The following LEFTY2 variants were observed in gnomAD, a reference collection of about 807,000 sequenced individuals.
The protein encoded by LEFTY2 is TGF-beta-4.
Under a neutral mutation model 26.4 loss-of-function variants are expected in LEFTY2, and 10 were observed. That is an observed-to-expected ratio of 0.38 (90% CI 0.23 to 0.64). The LOEUF (loss-of-function observed/expected upper bound fraction) is 0.64. Ranked by LOEUF, LEFTY2 falls within the 30% of genes least tolerant of loss-of-function variation. The pLI is 0.56. For synonymous variants in LEFTY2, 204 were observed against 234.1 expected (o/e 0.87, Z 1.17); for missense variants, 407 against 502.1 (o/e 0.81, Z 1.81).
At chr1:225,940,728 T>C (rs1672298000) in intron 1 of LEFTY2, among the ~76,000 whole-genome samples, 163 bp downstream of exon 1, 1 of 152,160 alleles carries the variant, frequency 6.6e-6, no homozygotes, top group South Asian at 2.1e-4. Flanking sequence ...CTGGAGACCC[T>C]GGACCCAGGC....
rs751004252 is a variant in LEFTY2 at position 225,939,996 on chromosome 1, G to A, written c.257C>T (p.Ala86Val). 1.9e-6 allele frequency: 3 copies of A among 1,595,820 alleles called. No homozygotes were observed. The South Asian group carries it at 3.3e-5, about 18-fold the overall frequency. Residue 86 changes from alanine (A) to valine (V), a missense_variant, in exon 2 of 4, where the codon GCC becomes GTC. Coordinates refer to ENST00000366820, the MANE Select transcript of LEFTY2 (RefSeq NM_003240.5). The surrounding 1 kb of genome is among the most constrained non-coding windows in gnomAD (Gnocchi z 4.1). ...KRFSQSFREV[A>V]GRFLASEAST... is the part of the protein sequence containing the mutation. Reference sequence around the variant, plus strand: ...GGCCTCCGACGCCAGGAACCTGCCGGCCACCTCTGGGGACAAGAGCAGGGT... The same window carrying A: ...GGCCTCCGACGCCAGGAACCTGCCGACCACCTCTGGGGACAAGAGCAGGGT...
At position 225,940,001 on chromosome 1, in the gene LEFTY2, C is replaced by A; in HGVS notation, c.252G>T (p.Glu84Asp). 1 of 1,595,862 alleles carries A rather than the reference C, an allele frequency of 6.3e-7. No individual in the cohort carries two copies. The highest frequency in any genetic ancestry group is 1.3e-5 in the African/African-American group (1 of 74,998). The change falls in exon 2 of 4, where the codon GAG (glutamate) becomes GAT (aspartate). Residue 84 changes from glutamate to aspartate, a missense_variant and splice_region_variant. Glu to Asp is a conservative substitution (Grantham distance 45, BLOSUM62 2). Transcript: ENST00000366820. ...RGKRFSQSFR[E>D]VAGRFLASEA... ...CCGACGCCAGGAACCTGCCGGCCACCTCTGGGGACAAGAGCAGGGTCAGCA... is the reference window on the plus strand; with the variant it reads ...CCGACGCCAGGAACCTGCCGGCCACATCTGGGGACAAGAGCAGGGTCAGCA...
Position 225,939,456 on chromosome 1 carries a change from G to A in LEFTY2, c.642C>T (p.Gly214=). The change falls in exon 3 of 4, where the codon GGC becomes GGT. Residue 214 remains glycine (G), a synonymous_variant. Transcript: ENST00000366820. The surrounding 1 kb of genome is among the most constrained non-coding windows in gnomAD (Gnocchi z 4.1). ...AGGCAAAGCGGACCAGCTTGTGGGCGCCGGACGCCAGCGGGCCCAGATGCT... is the reference window on the plus strand; with the variant it reads ...AGGCAAAGCGGACCAGCTTGTGGGCACCGGACGCCAGCGGGCCCAGATGCT... ...QREHLGPLAS[G]AHKLVRFASQ... is the part of the protein sequence containing the mutation. The A allele has an allele frequency of 6.2e-7, 1 of 1,610,342 alleles. No homozygotes were observed. Among genetic ancestry groups the A allele is most frequent in the Non-Finnish European group, 8.5e-7 (1 of 1,178,958 alleles).
At position 225,940,001 on chromosome 1, in the gene LEFTY2, C is replaced by T. The variant is rs1431937925; in HGVS notation, c.252G>A (p.Glu84=). Residue 84 remains glutamate, a splice_region_variant and synonymous_variant, in exon 2 of 4, where the codon GAG becomes GAA. Transcript: ENST00000366820. ...RGKRFSQSFR[E]VAGRFLASEA... ...CCGACGCCAGGAACCTGCCGGCCAC[C>T]TCTGGGGACAAGAGCAGGGTCAGCA... 5 of 1,595,862 alleles carry T rather than the reference C, an allele frequency of 3.1e-6. No individual in the cohort carries two copies. The highest frequency in any genetic ancestry group is 4.5e-4 in the Middle Eastern group (2 of 4,452).
Position 225,937,261 on chromosome 1 carries a change from C to T in LEFTY2, c.*180G>A, listed in dbSNP as rs1576154892. ...GCATCTGAGCTGCATTATTTACTCA[C>T]GTAAGTGCTTAGGATGGGTGATGGA... On this transcript the variant is annotated 3_prime_UTR_variant, in exon 4 of 4. Coordinates refer to ENST00000366820, the MANE Select transcript of LEFTY2 (RefSeq NM_003240.5). 1 of 897,764 alleles carries T rather than the reference C, an allele frequency of 1.1e-6. No individual in the cohort carries two copies. The highest frequency in any genetic ancestry group is 2.6e-5 in the East Asian group (1 of 39,060). The allele number at this position is 897,764 out of a possible 1,614,324, so 55.6% of individuals were successfully genotyped here. A position where few individuals can be genotyped will look rare whatever the true frequency, so the allele number is the denominator to read the frequency against.
rs180700937 is a variant in LEFTY2 at position 225,940,449 on chromosome 1, G to A, written c.250+442C>T. Among the ~76,000 whole-genome samples, 492 of 152,348 alleles carry A rather than the reference G, an allele frequency of 3.2e-3. 8 individuals carry two copies. The highest frequency in any genetic ancestry group is 0.011 in the African/African-American group (466 of 41,574). ...GACGTTCACAGTGCTGGGAGATGGC[G>A]AAGACATAGTCATACCCCTGTTCCA... is the stretch of plus-strand genomic sequence containing the variant. On this transcript the variant is annotated intron_variant, in intron 1 of 3. Coordinates refer to ENST00000366820, the MANE Select transcript of LEFTY2 (RefSeq NM_003240.5).
In LEFTY2 at chr1:225,939,246, C is replaced by T. The variant is rs1672235163; in HGVS notation, c.737+115G>A. 2.7e-6 allele frequency: 4 copies of T among 1,503,348 alleles called. No homozygotes were observed. Among genetic ancestry groups the T allele is most frequent in the South Asian group, 2.4e-5 (2 of 83,902 alleles). The allele number at this position is 1,503,348 out of a possible 1,614,324, so 93.1% of individuals were successfully genotyped here. A position where few individuals can be genotyped will look rare whatever the true frequency, so the allele number is the denominator to read the frequency against. On this transcript the variant is annotated intron_variant, in intron 3 of 3. Coordinates refer to ENST00000366820, the MANE Select transcript of LEFTY2 (RefSeq NM_003240.5). The surrounding 1 kb of genome is among the most constrained non-coding windows in gnomAD (Gnocchi z 4.1). ...TGGCATCCTGGGACAGTCTGCACCG[C>T]GCTCTCCCTACCCCTAGCCCACCGC...
chr1:225,941,058 A>G lies in LEFTY2; in HGVS notation c.83T>C (p.Leu28Pro). ...PGAALTEEQL[L>P]GSLLRQLQLS... ...CTGCAGCTGCCGCAGCAGGCTGCCC[A>G]GGAGCTGCTCCTCGGTCAGGGCCGC... The change falls in exon 1 of 4, where the codon CTG becomes CCG. Residue 28 changes from leucine to proline, a missense_variant. Coordinates refer to ENST00000366820, the MANE Select transcript of LEFTY2 (RefSeq NM_003240.5). 1 of 1,610,582 alleles carries G rather than the reference A, an allele frequency of 6.2e-7. No individual in the cohort carries two copies. Among genetic ancestry groups the G allele is most frequent in the Non-Finnish European group, 8.5e-7 (1 of 1,178,676 alleles).
Position 225,940,894 on chromosome 1 carries a change from G to C in LEFTY2, c.247C>G (p.Arg83Gly), listed in dbSNP as rs373002929. Residue 83 changes from arginine to glycine, a missense_variant, in exon 1 of 4, where the codon CGA becomes GGA. Physicochemically the swap from Arg to Gly is moderately radical, Grantham distance 125. Coordinates refer to ENST00000366820, the MANE Select transcript of LEFTY2 (RefSeq NM_003240.5). The stretch of plus-strand genomic sequence containing the variant: ...CAGCAGGGAGGGAGGGTCTCACCTC[G>C]GAAGCTCTGGCTGAACCTCTTTCCG... ...SRGKRFSQSF[R>G]EVAGRFLASE... 221 of 1,613,408 alleles carry C rather than the reference G, an allele frequency of 1.4e-4. No individual in the cohort carries two copies. The highest frequency in any genetic ancestry group is 1.8e-4 in the Non-Finnish European group (211 of 1,179,716).
rs1014980568 is a variant in LEFTY2, at chr1:225,940,180, A to G, written c.251-178T>C. ...CCTTGTTTAGTAACAATTTCCATCC[A>G]GCAGGCAGGGGGGCCTGTGGGACCC... On this transcript the variant is annotated intron_variant, in intron 1 of 3. Transcript: ENST00000366820. 7.5e-6 allele frequency: 8 copies of G among 1,064,642 alleles called. No homozygotes were observed. In the Admixed American group the frequency reaches 8.8e-5, roughly 12 times the overall value. The allele number at this position is 1,064,642 out of a possible 1,614,324, so 65.9% of individuals were successfully genotyped here.
Position 225,939,927 on chromosome 1 carries a change from G to C in LEFTY2, c.326C>G (p.Pro109Arg), listed in dbSNP as rs1478747788. 6.3e-7 allele frequency: 1 copy of C among 1,586,860 alleles called. No individual in the cohort carries two copies. Among genetic ancestry groups the C allele is most frequent in the Non-Finnish European group, 8.5e-7 (1 of 1,175,818 alleles). The change falls in exon 2 of 4, where the codon CCC (proline) becomes CGC (arginine). Residue 109 changes from proline (P) to arginine (R), a missense_variant. By Grantham distance (103) the Pro-to-Arg change is moderately radical (BLOSUM62 -2). Coordinates refer to ENST00000366820, the MANE Select transcript of LEFTY2 (RefSeq NM_003240.5). The surrounding 1 kb of genome is among the most constrained non-coding windows in gnomAD (Gnocchi z 4.1). The part of the protein sequence containing the change: ...LVFGMEQRLP[P>R]NSELVQAVLR... Reference sequence around the variant, plus strand: ...CACGGCCTGCACCAGCTCGCTGTTGGGCGGCAGCCGCTGCTCCATGCCGAA... The same window carrying C: ...CACGGCCTGCACCAGCTCGCTGTTGCGCGGCAGCCGCTGCTCCATGCCGAA...
At position 225,937,604 on chromosome 1, in the gene LEFTY2, G is replaced by A. The variant is rs773437742; in HGVS notation, c.938C>T (p.Pro313Leu). 8.1e-6 allele frequency: 13 copies of A among 1,613,952 alleles called. No homozygotes were observed. Among genetic ancestry groups the A allele is most frequent in the African/African-American group, 2.7e-5 (2 of 74,928 alleles). Residue 313 changes from proline (P) to leucine (L), a missense_variant, in exon 4 of 4, where the codon CCG becomes CTG. Pro to Leu is a moderately conservative substitution (Grantham distance 98). Coordinates refer to ENST00000366820, the MANE Select transcript of LEFTY2 (RefSeq NM_003240.5). ...ALAFNWPFLGPRQCIASETAS... is the reference protein window; with the variant it reads ...ALAFNWPFLGLRQCIASETAS... ...AGTCTCCGAGGCGATACACTGTCGCGGCCCCAGAAATGGCCAATTGAAGGC... is the reference window on the plus strand; with the variant it reads ...AGTCTCCGAGGCGATACACTGTCGCAGCCCCAGAAATGGCCAATTGAAGGC...
chr1:225,940,425 A>G (rs1369129754), intron 1 of LEFTY2, among the ~76,000 whole-genome samples: 1 of 152,252 alleles, frequency 6.6e-6, no homozygotes, highest in Non-Finnish European at 1.5e-5. Context: ...ACTCACTTTG[A>G]CGTTCACAGT....
chr1:225,937,506 T>G lies in LEFTY2; in HGVS notation c.1036A>C (p.Met346Leu), dbSNP rs747778361. The change falls in exon 4 of 4, where the codon ATG (methionine) becomes CTG (leucine). Residue 346 changes from methionine to leucine, a missense_variant. Transcript: ENST00000366820. ...GCACAGCTGCACTTCTGCACCCTCATGTTGGGCAGGCTGACCACCTGGGGC... is the reference window on the plus strand; with the variant it reads ...GCACAGCTGCACTTCTGCACCCTCAGGTTGGGCAGGCTGACCACCTGGGGC... Reference protein sequence around the residue: ...TRPQVVSLPNMRVQKCSCASD... With the variant: ...TRPQVVSLPNLRVQKCSCASD... The G allele has an allele frequency of 3.3e-5, 53 of 1,613,910 alleles. No individual in the cohort carries two copies. Among genetic ancestry groups the G allele is most frequent in the Middle Eastern group, 1.7e-4 (1 of 5,998 alleles).
Position 225,939,526 on chromosome 1 carries a change from C to T in LEFTY2, c.572G>A (p.Ser191Asn), listed in dbSNP as rs1672249150. Residue 191 changes from serine (S) to asparagine (N), a missense_variant, in exon 3 of 4, where the codon AGC becomes AAC. Ser to Asn is a conservative substitution (Grantham distance 46). Coordinates refer to ENST00000366820, the MANE Select transcript of LEFTY2 (RefSeq NM_003240.5). This position sits in a 1 kb window ranked among gnomAD's most constrained non-coding sequence, Gnocchi z 4.1. ...TEAVNFWQQL[S>N]RPRQPLLLQV... is the part of the protein sequence containing the mutation. ...TAGCAGCAGCGGCTGCCGGGGCCGG[C>T]TCAGCTGCTGCCAGAAGTTCACGGC... 6.2e-7 allele frequency: 1 copy of T among 1,611,108 alleles called. No homozygotes were observed. The highest frequency in any genetic ancestry group is 1.3e-5 in the African/African-American group (1 of 74,910).
In LEFTY2 at chr1:225,941,117, C is replaced by A. The variant is rs1278478901; in HGVS notation, c.24G>T (p.Trp8Cys). 2 of 1,575,138 alleles carry A rather than the reference C, an allele frequency of 1.3e-6. No individual in the cohort carries two copies. Among genetic ancestry groups the A allele is most frequent in the Non-Finnish European group, 1.7e-6 (2 of 1,162,348 alleles). MWPLWLCWALWVLPLAGP... is the reference protein window; with the variant it reads MWPLWLCCALWVLPLAGP... ...CAGCCAGGGGCAGCACCCAGAGTGC[C>A]CAGCAGAGCCACAGGGGCCACATGG... is the stretch of plus-strand genomic sequence containing the variant. Residue 8 changes from tryptophan (W) to cysteine (C), a missense_variant, in exon 1 of 4, where the codon TGG (tryptophan) becomes TGT (cysteine). Coordinates refer to ENST00000366820, the MANE Select transcript of LEFTY2 (RefSeq NM_003240.5).
Position 225,937,118 on chromosome 1 carries a change from A to C in LEFTY2, c.*323T>G. On this transcript the variant is annotated 3_prime_UTR_variant, in exon 4 of 4. Coordinates refer to ENST00000366820, the MANE Select transcript of LEFTY2 (RefSeq NM_003240.5). ...GTTTCCCCAGTTCTAATCATAGGGT[A>C]TTATTGTTCCAGACTCAGTGAAGAA... 2.1e-6 allele frequency: 1 copy of C among 474,060 alleles called. No homozygotes were observed. The highest frequency in any genetic ancestry group is 3.9e-6 in the Non-Finnish European group (1 of 258,640). 29.4% of individuals were successfully genotyped at this position (474,060 alleles called of 1,614,324 possible).
At chr1:225,940,213 C>G in intron 1 of LEFTY2, 1 of 797,376 alleles carries the variant, frequency 1.3e-6, no homozygotes, top group Non-Finnish European at 2.0e-6. Flanking sequence ...CCCTGGCTAG[C>G]AAGTTTGCCT....
intron 1 of LEFTY2, 120 bp downstream of exon 1, chr1:225,940,771 C>G: frequency 4.1e-6 from 6 of 1,479,118 alleles, no homozygotes; most frequent in Non-Finnish European, 5.5e-6. Flanking sequence ...TGGACCGTGG[C>G]CCTCACACAG....
Sources: allele counts gnomAD v4.1 joint callset (sites outside exome capture counted in the v4.1 genomes callset), GRCh38; gene constraint gnomAD v4.1.1; non-coding constraint Gnocchi (gnomAD v3.1); transcripts MANE v1.5; gene names NCBI Gene and HGNC (gene_info 2026-07-23, HGNC 2026-07-21).